The following KCNH2 variants were observed in gnomAD, a reference collection of about 807,000 sequenced individuals.
KCNH2 encodes voltage-gated inwardly rectifying potassium channel KCNH2.
A neutral mutation model predicts 95.9 loss-of-function variants in KCNH2; 35 were observed. The ratio of observed to expected loss-of-function variants is 0.37; its 90% CI spans 0.28 to 0.48. The LOEUF is 0.48. KCNH2 is among the 20% of genes least tolerant of loss of function. The probability of loss-of-function intolerance (pLI) is 0.99; values close to 1 mark genes in which losing one functional copy is unlikely to be tolerated. For synonymous variants in KCNH2, 786 were observed against 754.7 expected (o/e 1.04, Z -0.68); for missense variants, 1,274 against 1,702.9 (o/e 0.75, Z 4.43).
At chr7:150,959,338 G>A (rs939984025) in intron 3 of KCNH2, among the ~76,000 whole-genome samples, 1 of 152,300 alleles carries the variant, frequency 6.6e-6, no homozygotes, top group African/African-American at 2.4e-5. Flanking sequence ...GCTAGCCCAC[G>A]CCAAGGACCT....
intron 1 of KCNH2, 71 bp downstream of exon 1, chr7:150,977,767 C>T (rs868572728): frequency 8.6e-6 from 11 of 1,272,346 alleles, no homozygotes; most frequent in Non-Finnish European, 1.2e-5. Context: ...GGCACGCCCC[C>T]CCATCCACAC....
Position 150,974,646 on chromosome 7 carries a change from C to T in KCNH2, c.307+65G>A, listed in dbSNP as rs1044700096. The T allele has an allele frequency of 2.1e-5, 27 of 1,312,394 alleles. No homozygotes were observed. In the African/African-American group the frequency reaches 4.0e-4, roughly 19 times the overall value. 81.3% of individuals were successfully genotyped at this position (1,312,394 alleles called of 1,614,324 possible). ...CCCCACACCCCCACGCACCCTGCCC[C>T]TCGCCGTGGTCCCGCCCCTCTTGAC... is the stretch of plus-strand genomic sequence containing the variant. On this transcript the variant is annotated intron_variant, in intron 2 of 14. Transcript: ENST00000262186.
chr7:150,958,575 A>G, intron 3 of KCNH2, 73 bp from the exon 4 acceptor site: 3 of 1,287,794 alleles, frequency 2.3e-6, no homozygotes, highest in South Asian at 1.6e-5. Flanking sequence ...TGGGAAATGG[A>G]CCCCCAGCCG....
chr7:150,972,459 G>T (rs1311871424), intron 2 of KCNH2, among the ~76,000 whole-genome samples: 1 of 152,248 alleles, frequency 6.6e-6, no homozygotes, highest in African/African-American at 2.4e-5. Flanking sequence ...GGCAGAAGAA[G>T]CGGAGGCTGA....
chr7:150,954,781 C>T (rs1183568014), intron 5 of KCNH2, among the ~76,000 whole-genome samples: 3 of 152,244 alleles, frequency 2.0e-5, no homozygotes, highest in Non-Finnish European at 2.9e-5. Context: ...CTGCCCCAGG[C>T]TGACAGAAGA....
At chr7:150,956,601 G>C (rs1801384685) in intron 5 of KCNH2, among the ~76,000 whole-genome samples, 1 of 152,170 alleles carries the variant, frequency 6.6e-6, no homozygotes, top group Non-Finnish European at 1.5e-5. Flanking sequence ...AAACCCAGGA[G>C]GGGACAGAAG....
intron 2 of KCNH2, among the ~76,000 whole-genome samples, chr7:150,965,594 C>G (rs996077816): frequency 6.6e-6 from 1 of 152,096 alleles, no homozygotes; most frequent in Non-Finnish European, 1.5e-5. Flanking sequence ...CACCCCTCTT[C>G]CCTCCAACTC....
At position 150,946,819 on chromosome 7, in the gene KCNH2, G is replaced by T; in HGVS notation, c.3330+58C>A. 2 of 1,503,364 alleles carry T rather than the reference G, an allele frequency of 1.3e-6. No individual in the cohort carries two copies. Among genetic ancestry groups the T allele is most frequent in the Non-Finnish European group, 1.8e-6 (2 of 1,096,996 alleles). The allele number at this position is 1,503,364 out of a possible 1,614,324, so 93.1% of individuals were successfully genotyped here. Reference sequence around the variant, plus strand: ...CAGAAAGGCAGCAAAGCAGGTTTGGGCTGGAATCGGGGAACAAGCGGGTCA... The same window carrying T: ...CAGAAAGGCAGCAAAGCAGGTTTGGTCTGGAATCGGGGAACAAGCGGGTCA... On this transcript the variant is annotated intron_variant, in intron 14 of 14. Coordinates refer to ENST00000262186, the MANE Select transcript of KCNH2 (RefSeq NM_000238.4). The surrounding 1 kb of genome is among the most constrained non-coding windows in gnomAD (Gnocchi z 6.5).
At chr7:150,955,755 G>T in intron 5 of KCNH2, 1 of 1,255,698 alleles carries the variant, frequency 8.0e-7, no homozygotes, top group African/African-American at 1.6e-5. Context: ...GGGCCCTGCT[G>T]CCAGGGTGCC....
At chr7:150,960,672 A>T (rs1801541570) in intron 2 of KCNH2, among the ~76,000 whole-genome samples, 1 of 152,086 alleles carries the variant, frequency 6.6e-6, no homozygotes, top group Non-Finnish European at 1.5e-5. Flanking sequence ...TTCACCAAAG[A>T]GTCTAAGAAG....
chr7:150,959,666 G>T lies in KCNH2; in HGVS notation c.378C>A (p.Ile126=). Residue 126 remains isoleucine, a synonymous_variant, in exon 3 of 15, where the codon ATC becomes ATA. Transcript: ENST00000262186. ...TCTCCATCACCACCTCGAAATTGAG[G>T]ATGAACATGATGACAGCCCCATCCT... ...KNEDGAVIMF[I]LNFEVVMEKD... The T allele has an allele frequency of 6.2e-7, 1 of 1,614,188 alleles. No homozygotes were observed. Among genetic ancestry groups the T allele is most frequent in the Non-Finnish European group, 8.5e-7 (1 of 1,180,044 alleles).
In KCNH2 at chr7:150,950,858, TTCCC is replaced by T; in HGVS notation, c.2145+59_2145+62del. On this transcript the variant is annotated intron_variant, in intron 8 of 14. Coordinates refer to ENST00000262186, the MANE Select transcript of KCNH2 (RefSeq NM_000238.4). Reference sequence around the variant, plus strand: ...GAGACTTGTTTGCTGTGCCAAGAGGTTCCCCTCTGCCACCCCACTCTTCCCAGCC... The same window carrying T: ...GAGACTTGTTTGCTGTGCCAAGAGGTCTCTGCCACCCCACTCTTCCCAGCC... The T allele has an allele frequency of 2.6e-6, 4 of 1,527,318 alleles. No individual in the cohort carries two copies. The Admixed American group carries it at 6.7e-5, about 26-fold the overall frequency. The allele number at this position is 1,527,318 out of a possible 1,614,324, so 94.6% of individuals were successfully genotyped here.
At chr7:150,959,817 C>A in intron 2 of KCNH2, 81 bp from the exon 3 acceptor site, 3 of 1,513,012 alleles carry the variant, frequency 2.0e-6, no homozygotes, top group South Asian at 1.1e-5. Context: ...ACCCTGGAAC[C>A]CAAGTGGGCC....
rs549752222 is a variant in KCNH2 at position 150,959,751 on chromosome 7, G to A, written c.308-15C>T. ...GAAGCAGCTCCCTGCAGAGTGGGAG[G>A]ACATAGCCCCCTTGGCACCCACTCA... On this transcript the variant is annotated splice_polypyrimidine_tract_variant and intron_variant, in intron 2 of 14. Transcript: ENST00000262186. 18 of 1,614,100 alleles carry A rather than the reference G, an allele frequency of 1.1e-5. No homozygotes were observed. The South Asian group carries it at 1.3e-4, about 12-fold the overall frequency.
chr7:150,947,518 C>T lies in KCNH2; in HGVS notation c.2966-4G>A, dbSNP rs1252745863. The T allele has an allele frequency of 5.0e-6, 8 of 1,595,852 alleles. No individual in the cohort carries two copies. The South Asian group carries it at 9.1e-5, about 18-fold the overall frequency. On this transcript the variant is annotated splice_region_variant and splice_polypyrimidine_tract_variant and intron_variant, in intron 12 of 14. Transcript: ENST00000262186. ...TTGGACACTCCTGAGAAGGCGCCTG[C>T]AGCCAGAGAGCAGAGCTGGGTGAGC...
chr7:150,947,626 T>A lies in KCNH2; in HGVS notation c.2945A>T (p.Asp982Val), dbSNP rs1800956987. Residue 982 changes from aspartate (D) to valine (V), a missense_variant, in exon 12 of 15, where the codon GAC becomes GTC. By Grantham distance (152) the Asp-to-Val change is radical. This residue lies in a region of KCNH2 where 457 missense variants were observed against 416.1 expected (regional missense o/e 1.10). Transcript: ENST00000262186. Reference protein sequence around the residue: ...PLMEDCEKSSDTCNPLSGAFS... With the variant: ...PLMEDCEKSSVTCNPLSGAFS... The stretch of plus-strand genomic sequence containing the variant: ...GATACCTGACAGGGGGTTGCAAGTG[T>A]CGCTGCTCTTCTCGCAGTCCTCCAT... The A allele has an allele frequency of 2.5e-6, 4 of 1,612,490 alleles. No individual in the cohort carries two copies. The highest frequency in any genetic ancestry group is 2.5e-6 in the Non-Finnish European group (3 of 1,179,510).
intron 2 of KCNH2, among the ~76,000 whole-genome samples, chr7:150,966,566 A>AC (rs976876252): frequency 6.6e-6 from 1 of 151,982 alleles, no homozygotes; most frequent in African/African-American, 2.4e-5. Flanking sequence ...TTGCCTAGAG[A>AC]CCCCCAAGAA....
Position 150,957,383 on chromosome 7 carries a change from C to G in KCNH2, c.1036G>C (p.Asp346His). Residue 346 changes from aspartate (D) to histidine (H), a missense_variant, in exon 5 of 15, where the codon GAC becomes CAC. Physicochemically the swap from Asp to His is moderately conservative, Grantham distance 81 (BLOSUM62 -1). Coordinates refer to ENST00000262186, the MANE Select transcript of KCNH2 (RefSeq NM_000238.4). The part of the protein sequence containing the change: ...ITLNFVDLKG[D>H]PFLASPTSDR... ...CTGGTGGGCGAAGCCAAGAAGGGGT[C>G]GCCCTTGAGGTCCACAAAGTTGAGG... The G allele has an allele frequency of 1.2e-6, 2 of 1,614,042 alleles. No homozygotes were observed. Among genetic ancestry groups the G allele is most frequent in the Non-Finnish European group, 1.7e-6 (2 of 1,179,958 alleles).
intron 1 of KCNH2, 33 bp from the exon 2 acceptor site, chr7:150,974,974 G>C: frequency 3.9e-6 from 6 of 1,537,680 alleles, no homozygotes; most frequent in Non-Finnish European, 5.3e-6. Flanking sequence ...GCGCGTGAGC[G>C]GGGACCCCAG....
Sources: allele counts gnomAD v4.1 joint callset (sites outside exome capture counted in the v4.1 genomes callset), GRCh38; gene constraint gnomAD v4.1.1; regional missense constraint gnomAD v4.1.1; non-coding constraint Gnocchi (gnomAD v3.1); transcripts MANE v1.5; gene names NCBI Gene and HGNC (gene_info 2026-07-23, HGNC 2026-07-21).